PHF20L1: variants seen among roughly 807,000 people sequenced by gnomAD.
The protein encoded by PHF20L1 is PHD finger protein 20-like protein 1.
In PHF20L1, 44 loss-of-function variants were observed where a neutral mutation model predicts 125.5. That is an observed-to-expected ratio of 0.35 (90% CI 0.28 to 0.45). The LOEUF is 0.45. PHF20L1 is among the 20% of genes least tolerant of loss of function. The pLI is 1.00. For synonymous variants in PHF20L1, 380 were observed against 403.1 expected, an observed-to-expected ratio of 0.94 and a Z score of 0.69; for missense variants, 1,012 against 1,217.2, an observed-to-expected ratio of 0.83 and a Z score of 2.51.
chr8:132,825,474 C>A, intron 14 of PHF20L1, 103 bp downstream of exon 14: 1 of 924,954 alleles, frequency 1.1e-6, no homozygotes, highest in Non-Finnish European at 1.5e-6. Flanking sequence ...ATCCCCGTGT[C>A]CCGTGTTGAG....
intron 6 of PHF20L1, chr8:132,799,485 G>A (rs879402380): frequency 2.6e-5 from 5 of 194,506 alleles, no homozygotes; most frequent in Non-Finnish European, 4.1e-5. Flanking sequence ...CCATTTGTTG[G>A]CTATGTTTTC....
In PHF20L1 at chr8:132,845,967, A is replaced by G; in HGVS notation, c.*44A>G. 1 of 1,520,206 alleles carries G rather than the reference A, an allele frequency of 6.6e-7. No homozygotes were observed. The highest frequency in any genetic ancestry group is 9.1e-7 in the Non-Finnish European group (1 of 1,104,054). 94.2% of individuals were successfully genotyped at this position (1,520,206 alleles called of 1,614,324 possible). A position where few individuals can be genotyped will look rare whatever the true frequency, so the allele number is the denominator to read the frequency against. On this transcript the variant is annotated 3_prime_UTR_variant, in exon 21 of 21. Coordinates refer to ENST00000395386, the MANE Select transcript of PHF20L1 (RefSeq NM_016018.5). ...GAAAGAATGTGGCTTTCTTCAGTCAAAGCATTTTTATTATCCACGTGATGG... is the reference window on the plus strand; with the variant it reads ...GAAAGAATGTGGCTTTCTTCAGTCAGAGCATTTTTATTATCCACGTGATGG...
intron 9 of PHF20L1, chr8:132,813,171 A>G: frequency 2.1e-6 from 2 of 949,748 alleles, no homozygotes; most frequent in Non-Finnish European, 2.5e-6. Flanking sequence ...AAGATGAACA[A>G]TAAAATTGTT....
At chr8:132,810,612 C>A (rs961127356) in intron 8 of PHF20L1, 6 of 155,694 alleles carry the variant, frequency 3.9e-5, no homozygotes, top group African/African-American at 1.4e-4. Flanking sequence ...TTTTTAGTTA[C>A]TAAAACAACA....
At chr8:132,799,244 T>G (rs1167258124) in intron 6 of PHF20L1, 72 bp downstream of exon 6, 7 of 813,036 alleles carry the variant, frequency 8.6e-6, no homozygotes, top group Admixed American at 2.7e-5. Context: ...AGTTAAAAAT[T>G]TTTAATATAA....
intron 9 of PHF20L1, among the ~76,000 whole-genome samples, chr8:132,814,066 T>C (rs1291526710): frequency 4.0e-5 from 6 of 151,898 alleles, no homozygotes; most frequent in African/African-American, 1.4e-4. Flanking sequence ...TCATGATGCA[T>C]TGTGCTTATG....
intron 15 of PHF20L1, among the ~76,000 whole-genome samples, chr8:132,832,792 C>T (rs1407988494): frequency 6.6e-6 from 1 of 152,066 alleles, no homozygotes; most frequent in Non-Finnish European, 1.5e-5. Flanking sequence ...TGTCTTAACT[C>T]CGTAGATAAT....
intron 14 of PHF20L1, among the ~76,000 whole-genome samples, chr8:132,827,947 T>G (rs1181160707): frequency 6.6e-6 from 1 of 152,042 alleles, no homozygotes; most frequent in Non-Finnish European, 1.5e-5. Context: ...TGTAATTAAT[T>G]GTTGCATTTG....
intron 6 of PHF20L1, among the ~76,000 whole-genome samples, chr8:132,801,608 A>G (rs538550795): frequency 2.6e-5 from 4 of 151,744 alleles, no homozygotes; most frequent in Non-Finnish European, 4.4e-5. Flanking sequence ...GTTTGATAGC[A>G]GAGTAGAGTG....
Position 132,848,594 on chromosome 8 carries a change from TC to T in PHF20L1, c.*2673del, listed in dbSNP as rs1487170037. ...GGTATGTTACTGATAAACTTGTACTTCCTCATACTTGTTTGTGGTTCTACTG... is the reference window on the plus strand; with the variant it reads ...GGTATGTTACTGATAAACTTGTACTTCTCATACTTGTTTGTGGTTCTACTG... On this transcript the variant is annotated 3_prime_UTR_variant, in exon 21 of 21. Coordinates refer to ENST00000395386, the MANE Select transcript of PHF20L1 (RefSeq NM_016018.5). The T allele has an allele frequency of 6.6e-6, 1 of 152,560 alleles. No individual in the cohort carries two copies. Among genetic ancestry groups the T allele is most frequent in the Non-Finnish European group, 1.5e-5 (1 of 67,974 alleles). 9.5% of individuals were successfully genotyped at this position (152,560 alleles called of 1,614,324 possible).
chr8:132,836,390 A>T (rs1307449454), intron 15 of PHF20L1, 150 bp from the exon 16 acceptor site: 2 of 523,766 alleles, frequency 3.8e-6, no homozygotes, highest in African/African-American at 3.8e-5. Context: ...CCATGTCCAG[A>T]GACAAGTACA....
In PHF20L1 at chr8:132,794,600, C is replaced by A; in HGVS notation, c.255+19C>A. On this transcript the variant is annotated intron_variant, in intron 3 of 20. Transcript: ENST00000395386. Reference sequence around the variant, plus strand: ...TTTCTTTGTAAGTAGCAAGTTTTTTCTGTTTGCTAGTTTTGCCAGCTATGT... The same window carrying A: ...TTTCTTTGTAAGTAGCAAGTTTTTTATGTTTGCTAGTTTTGCCAGCTATGT... 1 of 1,587,086 alleles carries A rather than the reference C, an allele frequency of 6.3e-7. No homozygotes were observed. The highest frequency in any genetic ancestry group is 8.6e-7 in the Non-Finnish European group (1 of 1,161,676).
Position 132,846,023 on chromosome 8 carries a change from T to A in PHF20L1, c.*100T>A. The A allele has an allele frequency of 1.2e-6, 1 of 860,016 alleles. No homozygotes were observed. Among genetic ancestry groups the A allele is most frequent in the Non-Finnish European group, 1.8e-6 (1 of 558,870 alleles). 53.3% of individuals were successfully genotyped at this position (860,016 alleles called of 1,614,324 possible). Reference sequence around the variant, plus strand: ...TGGATAATTTAAAAGCTTAGTAATGTCTGGTCATTCACTGATTTGTGATGT... The same window carrying A: ...TGGATAATTTAAAAGCTTAGTAATGACTGGTCATTCACTGATTTGTGATGT... On this transcript the variant is annotated 3_prime_UTR_variant, in exon 21 of 21. Transcript: ENST00000395386.
chr8:132,842,386 G>T, intron 18 of PHF20L1, 129 bp from the exon 19 acceptor site: 1 of 679,318 alleles, frequency 1.5e-6, no homozygotes, highest in East Asian at 2.9e-5. Context: ...TTAATTTAAA[G>T]ATTACCTTTG....
chr8:132,842,024 A>G (rs1837988128), intron 18 of PHF20L1: 1 of 154,866 alleles, frequency 6.5e-6, no homozygotes, highest in Non-Finnish European at 1.4e-5. Flanking sequence ...AGATGTGTAT[A>G]CTTATCCATT....
intron 4 of PHF20L1, among the ~76,000 whole-genome samples, chr8:132,798,147 G>A (rs1832634443): frequency 2.0e-5 from 3 of 151,932 alleles, no homozygotes; most frequent in Admixed American, 6.6e-5. Flanking sequence ...TATTAATTAC[G>A]GCTGTGTTGC....
chr8:132,779,943 C>A (rs1830238793), intron 2 of PHF20L1, among the ~76,000 whole-genome samples: 2 of 152,050 alleles, frequency 1.3e-5, no homozygotes, highest in African/African-American at 2.4e-5. Context: ...ATTTTAATGA[C>A]CCTGGTAATA....
intron 2 of PHF20L1, among the ~76,000 whole-genome samples, chr8:132,785,716 C>T (rs1830941287): frequency 6.6e-6 from 1 of 151,876 alleles, no homozygotes; most frequent in Non-Finnish European, 1.5e-5. Context: ...TTATAATTAC[C>T]TCAACTTTGA....
At chr8:132,829,255 G>A (rs1836514664) in intron 14 of PHF20L1, among the ~76,000 whole-genome samples, 1 of 152,022 alleles carries the variant, frequency 6.6e-6, no homozygotes, top group South Asian at 2.1e-4. Context: ...ATATAATGGA[G>A]TTGATAAGAA....
Sources: gnomAD v4.1 joint callset for allele counts (sites outside exome capture counted in the v4.1 genomes callset) on GRCh38, gnomAD v4.1.1 for gene constraint, MANE v1.5 for transcripts, NCBI Gene and HGNC (gene_info 2026-07-23, HGNC 2026-07-21) for gene names.